Variants in RNF213 observed in about 807,000 individuals in gnomAD.
RNF213 encodes the protein ring finger protein 213, also known as E3 ubiquitin-protein ligase RNF213.
Under a neutral mutation model 514.4 loss-of-function variants are expected in RNF213, and 341 were observed. That is an observed-to-expected ratio of 0.66 (90% CI 0.61 to 0.73). The LOEUF (loss-of-function observed/expected upper bound fraction) is 0.73, where lower values mean the gene tolerates loss of function less well. Among genes scored for constraint, RNF213 ranks in the 30% least tolerant of loss-of-function variants. The pLI is 0.00. For missense variants in RNF213, 5,767 were observed against 6,615.6 expected (o/e 0.87, Z 4.45); for synonymous variants, 2,655 against 2,658.2 (o/e 1.00, Z 0.04).
chr17:80,359,629 GAA>G (rs977582630), intron 37 of RNF213, among the ~76,000 whole-genome samples: 2 of 150,132 alleles, frequency 1.3e-5, no homozygotes, highest in South Asian at 2.1e-4. Context: ...AGTAAAGAAA[GAA>G]AGAGTGAGAG....
At chr17:80,290,493 G>A in intron 6 of RNF213, 77 bp from the exon 7 acceptor site, 1 of 1,544,760 alleles carries the variant, frequency 6.5e-7, no homozygotes, top group Admixed American at 1.7e-5. Context: ...GCACGTGTGT[G>A]TGTGCGCGTG....
chr17:80,343,194 G>A lies in RNF213; in HGVS notation c.6052G>A (p.Val2018Met), dbSNP rs1428766069. The change falls in exon 27 of 68, where the codon GTG becomes ATG. Residue 2018 changes from valine to methionine, a missense_variant. By Grantham distance (21) the Val-to-Met change is conservative (BLOSUM62 1). Transcript: ENST00000582970. This position sits in a 1 kb window ranked among gnomAD's most constrained non-coding sequence, Gnocchi z 4.3. ...GAAGATGCAGTTAAACGTGAAAAAT[G>A]TGCCTCTGAAAACAATTCGACTGAT... ...KMKMQLNVKN[V>M]PLKTIRLIDP... 1.9e-6 allele frequency: 3 copies of A among 1,614,108 alleles called. No individual in the cohort carries two copies. The highest frequency in any genetic ancestry group is 2.5e-6 in the Non-Finnish European group (3 of 1,179,978).
At chr17:80,308,206 C>T (rs2045439210) in intron 13 of RNF213, among the ~76,000 whole-genome samples, 1 of 151,972 alleles carries the variant, frequency 6.6e-6, no homozygotes, top group African/African-American at 2.4e-5. Flanking sequence ...TTCCAGTCTT[C>T]GTTCACCTCC....
intron 67 of RNF213, among the ~76,000 whole-genome samples, chr17:80,391,340 G>C (rs1463892668): frequency 2.0e-5 from 3 of 152,066 alleles, no homozygotes; most frequent in African/African-American, 7.2e-5. Flanking sequence ...GCGCAATCTT[G>C]GCTTAGTGCA....
At chr17:80,372,204 C>T (rs2079543489) in intron 47 of RNF213, among the ~76,000 whole-genome samples, 2 of 152,222 alleles carry the variant, frequency 1.3e-5, no homozygotes, top group Non-Finnish European at 2.9e-5. Context: ...GGAGAATATA[C>T]TGCCAAAGTT....
Position 80,343,253 on chromosome 17 carries a change from C to T in RNF213, c.6111C>T (p.Gly2037=), listed in dbSNP as rs754567435. Residue 2037 remains glycine, a synonymous_variant, in exon 27 of 68, where the codon GGC becomes GGT. Coordinates refer to ENST00000582970, the MANE Select transcript of RNF213 (RefSeq NM_001256071.3). The surrounding 1 kb of genome is among the most constrained non-coding windows in gnomAD (Gnocchi z 4.3). ...AGGTGGATGAGAGCCGAGTCCTGGG[C>T]GCCCTGCTGCCCTTCCTGGATGCGC... is the stretch of plus-strand genomic sequence containing the variant. The part of the protein sequence containing the change: ...DPQVDESRVL[G]ALLPFLDAQY... The T allele has an allele frequency of 1.2e-5, 19 of 1,613,768 alleles. No homozygotes were observed. The highest frequency in any genetic ancestry group is 2.2e-5 in the East Asian group (1 of 44,900).
chr17:80,362,972 C>T lies in RNF213; in HGVS notation c.11356-130C>T, dbSNP rs189350910. 5.2e-5 allele frequency: 47 copies of T among 896,604 alleles called. No individual in the cohort carries two copies. In the African/African-American group the frequency reaches 5.5e-4, roughly 11 times the overall value. The allele number at this position is 896,604 out of a possible 1,614,324, so 55.5% of individuals were successfully genotyped here. The stretch of plus-strand genomic sequence containing the variant: ...AGATAGAAAACTGGACAGAAGCAAA[C>T]GGGACAGAATAGCACACATGGTTTC... On this transcript the variant is annotated intron_variant, in intron 39 of 67. Transcript: ENST00000582970.
At chr17:80,381,512 T>A (rs746949654) in intron 56 of RNF213, 35 bp from the exon 57 acceptor site, 3 of 1,610,964 alleles carry the variant, frequency 1.9e-6, no homozygotes, top group Admixed American at 3.3e-5. Context: ...ACAAACCAGA[T>A]CCCCGCTGAA....
At chr17:80,276,549 A>C (rs758903949) in intron 3 of RNF213, among the ~76,000 whole-genome samples, 4 of 152,226 alleles carry the variant, frequency 2.6e-5, no homozygotes, top group Non-Finnish European at 5.9e-5. Context: ...CATGAACAAG[A>C]GAACAATAAA....
intron 36 of RNF213, among the ~76,000 whole-genome samples, chr17:80,355,558 T>C (rs77010918): frequency 1.3e-4 from 10 of 77,240 alleles, no homozygotes; most frequent in African/African-American, 3.3e-4. Flanking sequence ...AATGGGGGCT[T>C]ATGGAGGAAG....
At chr17:80,335,318 G>A (rs2077957805) in intron 22 of RNF213, among the ~76,000 whole-genome samples, 1 of 152,164 alleles carries the variant, frequency 6.6e-6, no homozygotes, top group Admixed American at 6.5e-5. Flanking sequence ...CGTTGGCAGA[G>A]GAGAGAGGAA....
Position 80,389,500 on chromosome 17 carries a change from TCACC to T in RNF213, c.15195+136_15195+139del, listed in dbSNP as rs1019094519. 1.9e-4 allele frequency: 151 copies of T among 796,346 alleles called. No individual in the cohort carries two copies. In the African/African-American group the frequency reaches 2.5e-3, roughly 13 times the overall value. The allele number at this position is 796,346 out of a possible 1,614,324, so 49.3% of individuals were successfully genotyped here. A position where few individuals can be genotyped will look rare whatever the true frequency, so the allele number is the denominator to read the frequency against. ...AGGATGGGGAGACAAGAACAACTGC[TCACC>T]CAGTCAGTCCAGCATAAACAGGACA... is the stretch of plus-strand genomic sequence containing the variant. On this transcript the variant is annotated intron_variant, in intron 65 of 67. Coordinates refer to ENST00000582970, the MANE Select transcript of RNF213 (RefSeq NM_001256071.3).
At chr17:80,276,080 T>G (rs1182042687) in intron 3 of RNF213, among the ~76,000 whole-genome samples, 120 of 151,004 alleles carry the variant, frequency 7.9e-4, no homozygotes, top group African/African-American at 2.8e-3. Context: ...TTTATTTATT[T>G]ATTTATTTTT....
rs554307185 is a variant in RNF213, at chr17:80,286,168, G to A, written c.262-1647G>A. On this transcript the variant is annotated intron_variant, in intron 3 of 67. Coordinates refer to ENST00000582970, the MANE Select transcript of RNF213 (RefSeq NM_001256071.3). ...TGGAATGGGACCAGGTGCTCTCAGC[G>A]GTGTGGTGGGTTGGTGGCCTGGGGT... Among the ~76,000 whole-genome samples, 24 of 152,246 alleles carry A rather than the reference G, an allele frequency of 1.6e-4. No individual in the cohort carries two copies. In the South Asian group the frequency reaches 3.3e-3, roughly 21 times the overall value.
chr17:80,336,687 TTC>T (rs1410151185), intron 23 of RNF213: 5 of 374,184 alleles, frequency 1.3e-5, no homozygotes, highest in African/African-American at 2.1e-5. Flanking sequence ...TGTCATTTTA[TTC>T]TGTTACTTTT....
chr17:80,352,429 G>A (rs1236567821), intron 32 of RNF213: 2 of 380,784 alleles, frequency 5.3e-6, no homozygotes, highest in Non-Finnish European at 9.6e-6. Context: ...GGAACGCACC[G>A]ATACGCCTGT....
chr17:80,331,159 A>C (rs1242662756), intron 20 of RNF213, among the ~76,000 whole-genome samples: 1 of 151,868 alleles, frequency 6.6e-6, no homozygotes, highest in Non-Finnish European at 1.5e-5. Context: ...AGTCTTCCTT[A>C]TTTCATCACC....
intron 20 of RNF213, 111 bp downstream of exon 20, chr17:80,328,588 AT>A (rs112946552): frequency 3.1e-3 from 3,362 of 1,087,886 alleles, no homozygotes; most frequent in South Asian, 4.5e-3. Flanking sequence ...AGGCTTTAAA[AT>A]TTTTTTTTTA....
chr17:80,373,816 A>G (rs2079623606), intron 49 of RNF213, among the ~76,000 whole-genome samples: 1 of 151,982 alleles, frequency 6.6e-6, no homozygotes, highest in South Asian at 2.1e-4. Flanking sequence ...CCTGGCCAAC[A>G]TGGTGAAACC....
Sources: gnomAD v4.1 joint callset for allele counts (sites outside exome capture counted in the v4.1 genomes callset) on GRCh38, gnomAD v4.1.1 for gene constraint, Gnocchi (gnomAD v3.1) non-coding constraint, MANE v1.5 for transcripts, NCBI Gene and HGNC (gene_info 2026-07-23, HGNC 2026-07-21) for gene names.